The following MORC1 variants were observed in gnomAD, a reference collection of about 807,000 sequenced individuals.
The protein encoded by MORC1 is MORC family CW-type zinc finger protein 1.
Under a neutral mutation model 134.9 loss-of-function variants are expected in MORC1, and 59 were observed. That is an observed-to-expected ratio of 0.44 (90% confidence interval 0.35 to 0.54). The LOEUF (loss-of-function observed/expected upper bound fraction) is 0.54. Among genes scored for constraint, MORC1 ranks in the 20% least tolerant of loss-of-function variants. MORC1 has a pLI of 0.00. For missense variants in MORC1, 947 were observed against 1,134.5 expected, an observed-to-expected ratio of 0.83 and a Z score of 2.37; for synonymous variants, 395 against 391.7, an observed-to-expected ratio of 1.01 and a Z score of -0.10.
At position 109,035,347 on chromosome 3, in the gene MORC1, T is replaced by A. The variant is rs1222335003; in HGVS notation, c.1452A>T (p.Ile484=). The A allele has an allele frequency of 6.3e-7, 1 of 1,587,918 alleles. No homozygotes were observed. Among genetic ancestry groups the A allele is most frequent in the African/African-American group, 1.4e-5 (1 of 73,614 alleles). Residue 484 remains isoleucine (I), a synonymous_variant, in exon 15 of 28, where the codon ATA becomes ATT. Transcript: ENST00000232603. The part of the protein sequence containing the change: ...RRQAMGIPFI[I]QCDLCLKWRV... Reference sequence around the variant, plus strand: ...ATGGACTTCAACACTCACCACATTGTATGATGAATGGGATACCCATGGCTT... The same window carrying A: ...ATGGACTTCAACACTCACCACATTGAATGATGAATGGGATACCCATGGCTT...
intron 1 of MORC1, among the ~76,000 whole-genome samples, chr3:109,116,198 C>T (rs977077161): frequency 5.3e-5 from 8 of 152,076 alleles, no homozygotes; most frequent in African/African-American, 4.8e-5. Flanking sequence ...AGAAAAGGGG[C>T]GTAAGTTGGT....
In MORC1 at chr3:109,062,040, T is replaced by C. The variant is rs1950096121; in HGVS notation, c.914A>G (p.Glu305Gly). 1.2e-6 allele frequency: 2 copies of C among 1,613,954 alleles called. No homozygotes were observed. Among genetic ancestry groups the C allele is most frequent in the Non-Finnish European group, 1.7e-6 (2 of 1,179,966 alleles). ...AVKIAESILK[E>G]AQIKVNQCDR... is the part of the protein sequence containing the mutation. ...ACACTGGTTTACTTTGATTTGTGCTTCTTTCAATATGGATTCAGCTGGAAG... is the reference window on the plus strand; with the variant it reads ...ACACTGGTTTACTTTGATTTGTGCTCCTTTCAATATGGATTCAGCTGGAAG... Residue 305 changes from glutamate to glycine, a missense_variant, in exon 11 of 28, where the codon GAA (glutamate) becomes GGA (glycine). This residue lies in a region of MORC1 where 722 missense variants were observed against 817.0 expected (regional missense o/e 0.88). Transcript: ENST00000232603.
At chr3:109,041,106 T>A (rs1949535322) in intron 14 of MORC1, among the ~76,000 whole-genome samples, 6 of 149,812 alleles carry the variant, frequency 4.0e-5, no homozygotes, top group Admixed American at 4.0e-4. Flanking sequence ...GGTCCAGAGA[T>A]CAAGACCATC....
intron 21 of MORC1, among the ~76,000 whole-genome samples, chr3:108,995,914 C>T (rs982696840): frequency 5.3e-5 from 8 of 152,080 alleles, no homozygotes; most frequent in African/African-American, 1.7e-4. Flanking sequence ...ACTCTCATGC[C>T]TGAGTAAAGT....
At chr3:108,988,057 T>A (rs1323443883) in intron 21 of MORC1, among the ~76,000 whole-genome samples, 1 of 152,114 alleles carries the variant, frequency 6.6e-6, no homozygotes, top group Non-Finnish European at 1.5e-5. Context: ...TCTTTCATCT[T>A]TCATGCCCTC....
Position 109,035,097 on chromosome 3 carries a change from T to C in MORC1, c.1459+243A>G, listed in dbSNP as rs561917701. 8.5e-5 allele frequency among the ~76,000 whole-genome samples: 13 copies of C among 152,266 alleles called. 1 individual carries two copies. In the East Asian group the frequency reaches 2.1e-3, roughly 25 times the overall value. On this transcript the variant is annotated intron_variant, in intron 15 of 27. Transcript: ENST00000232603. ...CAAATGCTACTCCATCATAGAATCT[T>C]GCCTCTACTCCCCCATCCTTTTCTT...
In MORC1 at chr3:108,963,557, G is replaced by A; in HGVS notation, c.2656C>T (p.Gln886Ter). 1.3e-6 allele frequency: 2 copies of A among 1,592,584 alleles called. No individual in the cohort carries two copies. Among genetic ancestry groups the A allele is most frequent in the Admixed American group, 1.7e-5 (1 of 57,794 alleles). The change falls in exon 27 of 28, where the codon CAG becomes TAG. Residue 886 changes from glutamine to a stop codon, truncating the protein, a stop_gained. Coordinates refer to ENST00000232603, the MANE Select transcript of MORC1 (RefSeq NM_014429.4). LOFTEE classifies it high-confidence loss of function. ...GTATTTGAATCATAGATAATGGACT[G>A]CAATTTCCTCTTTATTTTTTTTTCA... ...QYEKKIKRKL[Q>*]SIIYDSNTRG...
rs556951676 is a variant in MORC1, at chr3:108,983,376, T to TA, written c.2324+1339dup. ...ATAGAGAAAATAAGCAAGCTAAAAT[T>TA]AAAAAATGGTAAAAAGAAATAGGTG... is the stretch of plus-strand genomic sequence containing the variant. On this transcript the variant is annotated intron_variant, in intron 23 of 27. Coordinates refer to ENST00000232603, the MANE Select transcript of MORC1 (RefSeq NM_014429.4). Among the ~76,000 whole-genome samples the TA allele has an allele frequency of 2.5e-3, 384 of 151,868 alleles. 1 individual carries two copies. Among genetic ancestry groups the TA allele is most frequent in the Admixed American group, 4.4e-3 (67 of 15,264 alleles).
intron 11 of MORC1, among the ~76,000 whole-genome samples, chr3:109,061,079 C>T (rs1001459269): frequency 6.6e-6 from 1 of 151,782 alleles, no homozygotes; most frequent in Admixed American, 6.6e-5. Flanking sequence ...TCTTTGATGT[C>T]ATCCCTTACT....
At chr3:109,007,198 G>A in intron 17 of MORC1, 107 bp from the exon 18 acceptor site, 1 of 772,722 alleles carries the variant, frequency 1.3e-6, no homozygotes, top group Non-Finnish European at 2.1e-6. Flanking sequence ...GGTCAAGATA[G>A]CAAACCCTCA....
chr3:108,992,991 T>C (rs1948108211), intron 21 of MORC1, among the ~76,000 whole-genome samples: 1 of 152,232 alleles, frequency 6.6e-6, no homozygotes, highest in South Asian at 2.1e-4. Context: ...ATAATTCTCA[T>C]AACAACCTTG....
intron 24 of MORC1, among the ~76,000 whole-genome samples, chr3:108,977,382 T>C (rs1432009002): frequency 6.6e-6 from 1 of 152,216 alleles, no homozygotes; most frequent in Non-Finnish European, 1.5e-5. Flanking sequence ...ATAGCTATTA[T>C]TGTTACTATT....
At chr3:109,035,920 T>C (rs1297993489) in intron 14 of MORC1, among the ~76,000 whole-genome samples, 1 of 152,186 alleles carries the variant, frequency 6.6e-6, no homozygotes, top group African/African-American at 2.4e-5. Flanking sequence ...TTATCTCTGG[T>C]TCCTTTTCTC....
At chr3:109,086,950 T>C (rs77144313) in intron 8 of MORC1, among the ~76,000 whole-genome samples, 2,523 of 152,190 alleles carry the variant, frequency 0.017, 84 homozygotes, top group African/African-American at 0.057. Flanking sequence ...ATCTAGAAGA[T>C]AGATTTAAAT....
intron 18 of MORC1, 114 bp downstream of exon 18, chr3:109,006,915 G>T: frequency 1.6e-6 from 1 of 632,888 alleles, no homozygotes; most frequent in Non-Finnish European, 2.5e-6. Context: ...AAATCTACTA[G>T]TGCTTCACTA....
At chr3:108,984,830 AAACT>A in intron 22 of MORC1, 48 bp from the exon 23 acceptor site, 1 of 1,453,972 alleles carries the variant, frequency 6.9e-7, no homozygotes, top group Non-Finnish European at 9.5e-7. Context: ...ATCACACAAT[AAACT>A]GAACCAAAAG....
intron 17 of MORC1, among the ~76,000 whole-genome samples, chr3:109,014,453 CAA>C (rs1948769325): frequency 6.6e-6 from 1 of 152,236 alleles, no homozygotes; most frequent in Non-Finnish European, 1.5e-5. Flanking sequence ...ACTCTACATT[CAA>C]AAGGTGGTTA....
chr3:109,100,510 G>A lies in MORC1; in HGVS notation c.224-3C>T. The A allele has an allele frequency of 6.2e-7, 1 of 1,608,110 alleles. No homozygotes were observed. Among genetic ancestry groups the A allele is most frequent in the Middle Eastern group, 1.7e-4 (1 of 6,046 alleles). ...GTAAATGATGTCTGAAGCTTCCTCT[G>A]TAATTGACAGTGACTTTTAAGGTGG... On this transcript the variant is annotated splice_region_variant and splice_polypyrimidine_tract_variant and intron_variant, in intron 4 of 27. Transcript: ENST00000232603.
chr3:108,981,018 T>C (rs759579222), intron 23 of MORC1, among the ~76,000 whole-genome samples: 3 of 152,072 alleles, frequency 2.0e-5, no homozygotes, highest in Non-Finnish European at 4.4e-5. Context: ...TTTAAAAAGA[T>C]ACATGGCTGC....
Sources: gnomAD v4.1 joint callset for allele counts (sites outside exome capture counted in the v4.1 genomes callset) on GRCh38, gnomAD v4.1.1 for gene constraint, gnomAD v4.1.1 regional missense constraint, MANE v1.5 for transcripts, NCBI Gene and HGNC (gene_info 2026-07-23, HGNC 2026-07-21) for gene names.